IPO7: variants seen among roughly 807,000 people sequenced by gnomAD.
IPO7 encodes importin-7.
Under a neutral mutation model 136.4 loss-of-function variants are expected in IPO7, and 13 were observed. The observed-to-expected ratio is 0.10, with a 90% confidence interval of 0.06 to 0.15. The LOEUF (loss-of-function observed/expected upper bound fraction) is 0.15, where lower values mean the gene tolerates loss of function less well. IPO7 is among the 10% of genes least tolerant of loss of function. IPO7 has a pLI of 1.00. For synonymous variants in IPO7, 403 were observed against 404.4 expected, an observed-to-expected ratio of 1.00 and a Z score of 0.04; for missense variants, 857 against 1,240.6, an observed-to-expected ratio of 0.69 and a Z score of 4.65.
At chr11:9,444,235 G>A (rs1021223629) in intron 24 of IPO7, among the ~76,000 whole-genome samples, 9 of 150,718 alleles carry the variant, frequency 6.0e-5, no homozygotes, top group African/African-American at 2.0e-4. Flanking sequence ...CCAACATTGC[G>A]CCACTGCACT....
chr11:9,413,577 C>G (rs1854998726), intron 4 of IPO7, among the ~76,000 whole-genome samples: 1 of 152,064 alleles, frequency 6.6e-6, no homozygotes, highest in South Asian at 2.1e-4. Flanking sequence ...TGCCTAGGTT[C>G]ATGTCTAACT....
In IPO7 at chr11:9,446,945, C is replaced by T. The variant is rs1855537772; in HGVS notation, c.*1751C>T. 6.6e-6 allele frequency: 1 copy of T among 151,924 alleles called. No individual in the cohort carries two copies. Among genetic ancestry groups the T allele is most frequent in the Non-Finnish European group, 1.5e-5 (1 of 67,978 alleles). The allele number at this position is 151,924 out of a possible 1,614,324, so 9.4% of individuals were successfully genotyped here. A position where few individuals can be genotyped will look rare whatever the true frequency, so the allele number is the denominator to read the frequency against. On this transcript the variant is annotated 3_prime_UTR_variant, in exon 25 of 25. Transcript: ENST00000379719. ...AACTGTTAATCAAGTGTTTCTACTC[C>T]CCCCCGAAAATCCCCTGAAAGTTGG...
At position 9,446,268 on chromosome 11, in the gene IPO7, A is replaced by C. The variant is rs1228817252; in HGVS notation, c.*1074A>C. 4 of 152,196 alleles carry C rather than the reference A, an allele frequency of 2.6e-5. No individual in the cohort carries two copies. The highest frequency in any genetic ancestry group is 4.4e-5 in the Non-Finnish European group (3 of 68,028). The allele number at this position is 152,196 out of a possible 1,614,324, so 9.4% of individuals were successfully genotyped here. A position where few individuals can be genotyped will look rare whatever the true frequency, so the allele number is the denominator to read the frequency against. ...TTGCAGTTTTTTCCTAATTATAACA[A>C]ATTTTTCCTCATTGGCCTGTTTTTA... On this transcript the variant is annotated 3_prime_UTR_variant, in exon 25 of 25. Transcript: ENST00000379719.
At position 9,433,590 on chromosome 11, in the gene IPO7, A is replaced by C. The variant is rs1156763337; in HGVS notation, c.1902A>C (p.Gly634=). 1.9e-6 allele frequency: 3 copies of C among 1,612,176 alleles called. No individual in the cohort carries two copies. The South Asian group carries it at 3.3e-5, about 18-fold the overall frequency. ...TTTAGATAACCCAACAGCTTGAGGG[A>C]ATCTGCTTACAGGTCATTGGTACTG... The part of the protein sequence containing the change: ...DHKEITQQLE[G]ICLQVIGTVL... Residue 634 remains glycine, a synonymous_variant, in exon 17 of 25, where the codon GGA becomes GGC. Coordinates refer to ENST00000379719, the MANE Select transcript of IPO7 (RefSeq NM_006391.3).
At chr11:9,419,317 A>T (rs1855089801) in intron 6 of IPO7, among the ~76,000 whole-genome samples, 1 of 152,014 alleles carries the variant, frequency 6.6e-6, no homozygotes, top group Non-Finnish European at 1.5e-5. Context: ...TGGGAGGCTG[A>T]GGCGGGCGGA....
intron 1 of IPO7, among the ~76,000 whole-genome samples, chr11:9,392,632 T>A (rs923996870): frequency 6.6e-6 from 1 of 152,128 alleles, no homozygotes; most frequent in Admixed American, 6.6e-5. Flanking sequence ...TTGGTTATAT[T>A]TCAATGGAGA....
chr11:9,414,766 C>G (rs1459319777), intron 5 of IPO7, among the ~76,000 whole-genome samples: 3 of 150,896 alleles, frequency 2.0e-5, no homozygotes, highest in Non-Finnish European at 4.4e-5. Context: ...GCTGGGATTA[C>G]AGGCACGTGC....
At chr11:9,421,942 T>C (rs891941806) in intron 8 of IPO7, among the ~76,000 whole-genome samples, 3 of 150,396 alleles carry the variant, frequency 2.0e-5, no homozygotes, top group Non-Finnish European at 4.4e-5. Context: ...AGACTCCGTC[T>C]CAAAAAAAAG....
chr11:9,407,857 C>T (rs1854908901), intron 2 of IPO7, among the ~76,000 whole-genome samples: 1 of 152,130 alleles, frequency 6.6e-6, no homozygotes, highest in African/African-American at 2.4e-5. Flanking sequence ...TTGCTAGCAG[C>T]CTGGATTTTA....
chr11:9,414,445 AG>A, intron 5 of IPO7, 34 bp downstream of exon 5: 1 of 1,405,778 alleles, frequency 7.1e-7, no homozygotes, highest in South Asian at 1.3e-5. Context: ...ATGCATAAAA[AG>A]TTAGTCTGTC....
chr11:9,423,937 C>T (rs2133751056), intron 10 of IPO7, 61 bp downstream of exon 10: 1 of 949,048 alleles, frequency 1.1e-6, no homozygotes. Flanking sequence ...ACAGTGATTG[C>T]ATGTAGCCAA....
At chr11:9,426,144 A>G (rs1855203763) in intron 12 of IPO7, among the ~76,000 whole-genome samples, 1 of 152,230 alleles carries the variant, frequency 6.6e-6, no homozygotes, top group Admixed American at 6.5e-5. Context: ...CACCCCCAGA[A>G]GGAACTCTGT....
At chr11:9,411,594 C>T (rs1854968871) in intron 4 of IPO7, among the ~76,000 whole-genome samples, 1 of 152,006 alleles carries the variant, frequency 6.6e-6, no homozygotes, top group South Asian at 2.1e-4. Flanking sequence ...TTTTGAGTGC[C>T]AGAATGGGAA....
At chr11:9,408,973 A>C (rs1854929145) in intron 3 of IPO7, among the ~76,000 whole-genome samples, 1 of 151,622 alleles carries the variant, frequency 6.6e-6, no homozygotes, top group Non-Finnish European at 1.5e-5. Flanking sequence ...CGGCTTCCCA[A>C]AGTGCTGGGA....
intron 5 of IPO7, chr11:9,414,619 C>CATTTTTT (rs1855014267): frequency 1.4e-5 from 1 of 71,068 alleles, no homozygotes. Flanking sequence ...CCTAATGAAT[C>CATTTTTT]TTTTTTTTTT....
At chr11:9,433,376 C>T in intron 16 of IPO7, 194 bp from the exon 17 acceptor site, 2 of 518,244 alleles carry the variant, frequency 3.9e-6, no homozygotes, top group Non-Finnish European at 6.8e-6. Context: ...TTGTGTTTTT[C>T]TCATTGTAAT....
chr11:9,389,987 C>T (rs1403900562), intron 1 of IPO7, among the ~76,000 whole-genome samples: 1 of 152,186 alleles, frequency 6.6e-6, no homozygotes, highest in East Asian at 1.9e-4. Context: ...GAACTCCTCA[C>T]TGCAGGTGAT....
chr11:9,437,667 A>T, intron 20 of IPO7, 87 bp from the exon 21 acceptor site: 1 of 950,950 alleles, frequency 1.1e-6, no homozygotes, highest in Non-Finnish European at 1.6e-6. Context: ...AATAGGGTTA[A>T]TTGAGGCAAC....
intron 20 of IPO7, among the ~76,000 whole-genome samples, chr11:9,437,513 C>G (rs367923900): frequency 6.6e-6 from 1 of 151,980 alleles, no homozygotes; most frequent in African/African-American, 2.4e-5. Flanking sequence ...CTCAGCCTCC[C>G]AAAGTGCTGG....
Sources: gnomAD v4.1 joint callset for allele counts (sites outside exome capture counted in the v4.1 genomes callset) on GRCh38, gnomAD v4.1.1 for gene constraint, MANE v1.5 for transcripts, NCBI Gene and HGNC (gene_info 2026-07-23, HGNC 2026-07-21) for gene names.